The following UBR4 variants were observed in gnomAD, a reference collection of about 807,000 sequenced individuals.
UBR4 encodes the protein ubiquitin protein ligase E3 component n-recognin 4.
A neutral mutation model predicts 575.6 loss-of-function variants in UBR4; 124 were observed. The observed-to-expected ratio is 0.22, with a 90% confidence interval of 0.19 to 0.25. The LOEUF (loss-of-function observed/expected upper bound fraction) is 0.25. Ranked by LOEUF, UBR4 falls within the 10% of genes least tolerant of loss-of-function variation. The pLI is 1.00. For missense variants in UBR4, 4,818 were observed against 6,478.8 expected, an observed-to-expected ratio of 0.74 and a Z score of 8.80; for synonymous variants, 2,455 against 2,473.7, an observed-to-expected ratio of 0.99 and a Z score of 0.22.
intron 81 of UBR4, among the ~76,000 whole-genome samples, chr1:19,108,795 C>T (rs550622568): frequency 2.6e-5 from 4 of 152,166 alleles, no homozygotes; most frequent in South Asian, 2.1e-4. Context: ...AAGAACACCC[C>T]GGAGTCTGTG....
At chr1:19,091,662 T>A (rs949258912) in intron 97 of UBR4, among the ~76,000 whole-genome samples, 2 of 152,214 alleles carry the variant, frequency 1.3e-5, no homozygotes, top group African/African-American at 4.8e-5. Context: ...AGTCACCAAA[T>A]GCTGGCTAAG....
intron 48 of UBR4, 44 bp downstream of exon 48, chr1:19,151,599 A>C: frequency 6.2e-7 from 1 of 1,605,846 alleles, no homozygotes; most frequent in Non-Finnish European, 8.5e-7. Context: ...CCAATTTCGC[A>C]GTCACAATGA....
In UBR4 at chr1:19,074,764, A is replaced by G; in HGVS notation, c.*68T>C. Reference sequence around the variant, plus strand: ...ATCCCGCGGAGGGAACTTAATGCACAAGGAGGGAGAACAGAGGGTGGAAGG... The same window carrying G: ...ATCCCGCGGAGGGAACTTAATGCACGAGGAGGGAGAACAGAGGGTGGAAGG... On this transcript the variant is annotated 3_prime_UTR_variant, in exon 106 of 106. Transcript: ENST00000375254. 6.4e-7 allele frequency: 1 copy of G among 1,557,334 alleles called. No individual in the cohort carries two copies. The highest frequency in any genetic ancestry group is 1.1e-5 in the South Asian group (1 of 87,918).
Position 19,078,022 on chromosome 1 carries a change from G to A in UBR4, c.15278C>T (p.Ser5093Phe), listed in dbSNP as rs1303160102. The A allele has an allele frequency of 6.2e-7, 1 of 1,613,964 alleles. No individual in the cohort carries two copies. Among genetic ancestry groups the A allele is most frequent in the African/African-American group, 1.3e-5 (1 of 74,892 alleles). The change falls in exon 104 of 106, where the codon TCC becomes TTC. Residue 5093 changes from serine to phenylalanine, a missense_variant. By Grantham distance (155) the Ser-to-Phe change is radical. Transcript: ENST00000375254. ...ATCGACGAGGGCCCAAAAGAGAAGG[G>A]AAGAACGGTAAGCGGAATAGTCCTT... ...AVKDYSAYRS[S>F]LLFWALVDLI...
At chr1:19,104,716 C>G (rs757473738) in intron 85 of UBR4, 50 bp from the exon 86 acceptor site, 8 of 1,570,662 alleles carry the variant, frequency 5.1e-6, no homozygotes, top group Non-Finnish European at 6.1e-6. Context: ...CCAAGGATAC[C>G]AGTTACCTCC....
intron 38 of UBR4, 28 bp from the exon 39 acceptor site, chr1:19,160,309 T>TA: frequency 7.1e-6 from 10 of 1,398,914 alleles, no homozygotes; most frequent in Admixed American, 5.7e-5. Context: ...AATACACCAG[T>TA]GAAAAAAAAA....
At position 19,160,181 on chromosome 1, in the gene UBR4, C is replaced by A. The variant is rs138339645; in HGVS notation, c.5507G>T (p.Ser1836Ile). ...CTCACTGAGGGCTTGCTGAGCACGG[C>A]TGCTGCTCCCGACGGCTGAAGCTTG... ...FQQASAVGSS[S>I]RAQQALSELH... is the part of the protein sequence containing the mutation. Residue 1836 changes from serine (S) to isoleucine (I), a missense_variant, in exon 39 of 106, where the codon AGC becomes ATC. Ser to Ile is a moderately radical substitution (Grantham distance 142). Transcript: ENST00000375254. 2 of 1,614,056 alleles carry A rather than the reference C, an allele frequency of 1.2e-6. No homozygotes were observed. Among genetic ancestry groups the A allele is most frequent in the Non-Finnish European group, 1.7e-6 (2 of 1,180,018 alleles).
At chr1:19,147,313 A>T (rs1485352278) in intron 51 of UBR4, among the ~76,000 whole-genome samples, 2 of 152,160 alleles carry the variant, frequency 1.3e-5, no homozygotes, top group African/African-American at 4.8e-5. Flanking sequence ...TTTCTTAGCA[A>T]ATTCATATTA....
At position 19,164,947 on chromosome 1, in the gene UBR4, G is replaced by T. The variant is rs766841334; in HGVS notation, c.4363C>A (p.Gln1455Lys). ...CGCACAGGTTCCACACAGGCCAGTT[G>T]TGCCAGGGAGCCACAGAGATGCAAC... ...SLLHLCGSLA[Q>K]LACVEPVRLQ... The change falls in exon 32 of 106, where the codon CAA becomes AAA. Residue 1455 changes from glutamine (Q) to lysine (K), a missense_variant. By Grantham distance (53) the Gln-to-Lys change is moderately conservative (BLOSUM62 1). Around this residue, in one of 29 missense-constraint regions of UBR4, gnomAD observed 1,172 missense variants for 1,259.7 expected, o/e 0.93. Coordinates refer to ENST00000375254, the MANE Select transcript of UBR4 (RefSeq NM_020765.3). 7 of 1,614,184 alleles carry T rather than the reference G, an allele frequency of 4.3e-6. No homozygotes were observed. The East Asian group carries it at 1.6e-4, about 36-fold the overall frequency.
chr1:19,144,325 G>C (rs1400084334), intron 54 of UBR4, among the ~76,000 whole-genome samples: 2 of 152,188 alleles, frequency 1.3e-5, no homozygotes, highest in Non-Finnish European at 1.5e-5. Context: ...GGATGGACTG[G>C]CAGGTCATTT....
In UBR4 at chr1:19,117,794, A is replaced by G. The variant is rs778890349; in HGVS notation, c.10629+29T>C. On this transcript the variant is annotated intron_variant, in intron 72 of 105. Transcript: ENST00000375254. The surrounding 1 kb of genome is among the most constrained non-coding windows in gnomAD (Gnocchi z 4.0). ...GAATCCCACTGGACCTATTGGCCTC[A>G]GGACTGTCCATGTACAGATGTTACT... The G allele has an allele frequency of 1.9e-6, 3 of 1,602,570 alleles. No homozygotes were observed. The highest frequency in any genetic ancestry group is 1.7e-5 in the Admixed American group (1 of 59,966).
At chr1:19,203,786 T>C (rs1351354732) in intron 1 of UBR4, among the ~76,000 whole-genome samples, 1 of 152,190 alleles carries the variant, frequency 6.6e-6, no homozygotes, top group Non-Finnish European at 1.5e-5. Context: ...GGAGCATCTA[T>C]GATGTGTGCA....
Position 19,081,545 on chromosome 1 carries a change from T to A in UBR4, c.15037A>T (p.Asn5013Tyr). The A allele has an allele frequency of 6.2e-7, 1 of 1,613,978 alleles. No individual in the cohort carries two copies. The change falls in exon 103 of 106, where the codon AAC becomes TAC. Residue 5013 changes from asparagine (N) to tyrosine (Y), a missense_variant. By Grantham distance (143) the Asn-to-Tyr change is moderately radical (BLOSUM62 -2). This residue lies in a region of UBR4 where 212 missense variants were observed against 221.3 expected (regional missense o/e 0.96). Coordinates refer to ENST00000375254, the MANE Select transcript of UBR4 (RefSeq NM_020765.3). ...GGCTGTTCCAGAAAGCCTTGGAGGT[T>A]CTTCTCTTCTCGGGAAGTTGCTCGG... ...TTRATSREEK[N>Y]LQGFLEQPKE... is the part of the protein sequence containing the mutation.
At chr1:19,192,422 T>C (rs368094731) in intron 10 of UBR4, 44 bp from the exon 11 acceptor site, 8 of 1,614,028 alleles carry the variant, frequency 5.0e-6, no homozygotes, top group East Asian at 2.2e-5. Flanking sequence ...CATAGAGATA[T>C]TTACATCTCA....
In UBR4 at chr1:19,141,300, C is replaced by G. The variant is rs748898048; in HGVS notation, c.8488+47G>C. 3.1e-6 allele frequency: 5 copies of G among 1,612,988 alleles called. No homozygotes were observed. In the East Asian group the frequency reaches 1.1e-4, roughly 36 times the overall value. ...ATCAGTAACTGCCAAACCCTCTTTT[C>G]CTGTGCAAGGCCAATGGGCCGCTTT... On this transcript the variant is annotated intron_variant, in intron 57 of 105. Transcript: ENST00000375254.
chr1:19,210,266 C>T lies in UBR4; in HGVS notation c.-18G>A, dbSNP rs750888571. On this transcript the variant is annotated 5_prime_UTR_variant, in exon 1 of 106. Coordinates refer to ENST00000375254, the MANE Select transcript of UBR4 (RefSeq NM_020765.3). ...GTCGCCATCTTCCGTCGTACTACTG[C>T]GGCTCCCTCCGGGGGCTTGCCACCG... The T allele has an allele frequency of 1.4e-6, 2 of 1,438,924 alleles. No homozygotes were observed. Among genetic ancestry groups the T allele is most frequent in the Non-Finnish European group, 9.1e-7 (1 of 1,102,842 alleles). 89.1% of individuals were successfully genotyped at this position (1,438,924 alleles called of 1,614,324 possible). A position where few individuals can be genotyped will look rare whatever the true frequency, so the allele number is the denominator to read the frequency against.
chr1:19,133,603 T>C (rs1162158360), intron 60 of UBR4, among the ~76,000 whole-genome samples: 1 of 152,136 alleles, frequency 6.6e-6, no homozygotes, highest in Non-Finnish European at 1.5e-5. Flanking sequence ...TACACTGTTA[T>C]TTGCAGGTGA....
intron 102 of UBR4, among the ~76,000 whole-genome samples, chr1:19,082,955 CT>C (rs2076662256): frequency 3.3e-5 from 5 of 152,224 alleles, no homozygotes; most frequent in Admixed American, 3.3e-4. Flanking sequence ...TAGCTGTCGA[CT>C]GGGAAGCAGT....
chr1:19,082,938 A>T (rs1218986822), intron 102 of UBR4, among the ~76,000 whole-genome samples: 1 of 152,180 alleles, frequency 6.6e-6, no homozygotes, highest in Non-Finnish European at 1.5e-5. Context: ...CACCAATGTC[A>T]ATTGGATAGC....
Sources: allele counts gnomAD v4.1 joint callset (sites outside exome capture counted in the v4.1 genomes callset), GRCh38; gene constraint gnomAD v4.1.1; regional missense constraint gnomAD v4.1.1; non-coding constraint Gnocchi (gnomAD v3.1); transcripts MANE v1.5; gene names NCBI Gene and HGNC (gene_info 2026-07-23, HGNC 2026-07-21).